Variants in RASGEF1B observed in about 807,000 individuals in gnomAD.
The protein encoded by RASGEF1B is ras-GEF domain-containing family member 1B.
RASGEF1B carries 30 observed loss-of-function variants against 65.7 expected under a neutral mutation model. The observed-to-expected ratio is 0.46, with a 90% CI of 0.34 to 0.62. The LOEUF (loss-of-function observed/expected upper bound fraction) is 0.62. Ranked by LOEUF, RASGEF1B falls within the 20% of genes least tolerant of loss-of-function variation. RASGEF1B has a pLI of 0.01. For synonymous variants in RASGEF1B, 175 were observed against 194.8 expected, an observed-to-expected ratio of 0.90 and a Z score of 0.85; for missense variants, 495 against 580.1, an observed-to-expected ratio of 0.85 and a Z score of 1.51.
rs141818351 is a variant in RASGEF1B at position 81,467,243 on chromosome 4, T to C, written c.-7+4527A>G. On this transcript the variant is annotated intron_variant, in intron 1 of 13. Coordinates refer to ENST00000264400, the MANE Select transcript of RASGEF1B (RefSeq NM_152545.3). Reference sequence around the variant, plus strand: ...TAATTTCCATTCTGCTTGATTTGTCTTAGATGCTGCTTAAATATTTCATAC... The same window carrying C: ...TAATTTCCATTCTGCTTGATTTGTCCTAGATGCTGCTTAAATATTTCATAC... Among the ~76,000 whole-genome samples the C allele has an allele frequency of 7.5e-3, 1,146 of 152,344 alleles. 7 individuals are homozygous for C. Among genetic ancestry groups the C allele is most frequent in the Non-Finnish European group, 0.013 (852 of 68,026 alleles).
In RASGEF1B at chr4:81,434,667, C is replaced by T. The variant is rs779908066; in HGVS notation, c.1172G>A (p.Arg391His). The change falls in exon 11 of 14, where the codon CGC becomes CAC. Residue 391 changes from arginine to histidine, a missense_variant. Transcript: ENST00000264400. The part of the protein sequence containing the change: ...IYFLNEGCAN[R>H]LPNGHVNFEK... ...AAAATTGACATGGCCATTGGGAAGGCGGTTGGCACAACCCTCATTGAGGAA... is the reference window on the plus strand; with the variant it reads ...AAAATTGACATGGCCATTGGGAAGGTGGTTGGCACAACCCTCATTGAGGAA... 2.4e-5 allele frequency: 39 copies of T among 1,604,578 alleles called. No individual in the cohort carries two copies. Among genetic ancestry groups the T allele is most frequent in the East Asian group, 1.8e-4 (8 of 44,848 alleles).
intron 4 of RASGEF1B, among the ~76,000 whole-genome samples, chr4:81,449,627 C>T (rs771038902): frequency 6.6e-6 from 1 of 152,172 alleles, no homozygotes; most frequent in Non-Finnish European, 1.5e-5. Context: ...AGTAAACCTA[C>T]AGATGTAGAA....
intron 8 of RASGEF1B, among the ~76,000 whole-genome samples, chr4:81,444,618 C>T (rs1224531324): frequency 1.3e-5 from 2 of 152,170 alleles, no homozygotes; most frequent in Non-Finnish European, 2.9e-5. Flanking sequence ...CTCGCTGCAA[C>T]CTCCGACTCC....
intron 9 of RASGEF1B, among the ~76,000 whole-genome samples, chr4:81,441,448 C>A (rs1216341494): frequency 6.6e-6 from 1 of 151,764 alleles, no homozygotes; most frequent in African/African-American, 2.4e-5. Context: ...AGAACACTTT[C>A]TTATTGTCTC....
At chr4:81,454,759 G>C (rs1278907547) in intron 4 of RASGEF1B, 1 of 152,166 alleles carries the variant, frequency 6.6e-6, no homozygotes, top group Non-Finnish European at 1.5e-5. Flanking sequence ...AATAATGGCT[G>C]TCTCGAGCAC....
chr4:81,466,758 CAAAAAA>C (rs748152922), intron 1 of RASGEF1B, among the ~76,000 whole-genome samples: 19 of 57,616 alleles, frequency 3.3e-4, no homozygotes, highest in African/African-American at 1.6e-3. Flanking sequence ...GCCTCCATGT[CAAAAAA>C]AAAAAAAAAG....
intron 13 of RASGEF1B, 117 bp from the exon 14 acceptor site, chr4:81,427,909 A>G (rs557003186): frequency 3.6e-6 from 4 of 1,097,600 alleles, no homozygotes; most frequent in East Asian, 5.3e-5. Context: ...TTGATTTTAC[A>G]AAGTTAAACC....
intron 1 of RASGEF1B, among the ~76,000 whole-genome samples, chr4:81,471,549 CT>C (rs1339391005): frequency 6.6e-6 from 1 of 152,174 alleles, no homozygotes; most frequent in African/African-American, 2.4e-5. Flanking sequence ...CGGTCCCGGG[CT>C]GTAACTCGGC....
At chr4:81,467,225 C>A (rs983846396) in intron 1 of RASGEF1B, among the ~76,000 whole-genome samples, 3 of 152,126 alleles carry the variant, frequency 2.0e-5, no homozygotes, top group African/African-American at 7.2e-5. Flanking sequence ...AGTTAATTTC[C>A]ATTCTGCTTG....
chr4:81,461,822 A>G (rs1306366347), intron 1 of RASGEF1B, among the ~76,000 whole-genome samples: 1 of 152,158 alleles, frequency 6.6e-6, no homozygotes, highest in Non-Finnish European at 1.5e-5. Context: ...CTGAGACCCA[A>G]GGGGGTAAGG....
At chr4:81,444,749 G>T (rs565703134) in intron 8 of RASGEF1B, among the ~76,000 whole-genome samples, 1 of 152,084 alleles carries the variant, frequency 6.6e-6, no homozygotes, top group East Asian at 1.9e-4. Flanking sequence ...GTTGGCCAGG[G>T]TGGTCTCGAT....
intron 1 of RASGEF1B, among the ~76,000 whole-genome samples, chr4:81,462,996 G>GTTTCAGA (rs1215416832): frequency 6.6e-6 from 1 of 152,148 alleles, no homozygotes; most frequent in Non-Finnish European, 1.5e-5. Flanking sequence ...GTGGGGTAGG[G>GTTTCAGA]TTTCAGAGTT....
chr4:81,448,189 G>A lies in RASGEF1B; in HGVS notation c.534C>T (p.Ser178=). The A allele has an allele frequency of 6.2e-7, 1 of 1,614,098 alleles. No individual in the cohort carries two copies. The highest frequency in any genetic ancestry group is 8.5e-7 in the Non-Finnish European group (1 of 1,180,030). The change falls in exon 5 of 14, where the codon AGC becomes AGT. Residue 178 remains serine (S), a synonymous_variant. Transcript: ENST00000264400. ...SQYEEVLAKI[S]STSTDRLTVL... Reference sequence around the variant, plus strand: ...CTGTGAGCCGATCTGTGGATGTGGAGCTGATTTTTGCCAGGACTTCTTCGT... The same window carrying A: ...CTGTGAGCCGATCTGTGGATGTGGAACTGATTTTTGCCAGGACTTCTTCGT...
chr4:81,434,554 T>C, intron 11 of RASGEF1B, 85 bp downstream of exon 11: 1 of 779,446 alleles, frequency 1.3e-6, no homozygotes, highest in Non-Finnish European at 2.3e-6. Flanking sequence ...GAATTGGCTT[T>C]GGCTGCCTGG....
At chr4:81,434,340 T>C (rs1721535918) in intron 11 of RASGEF1B, among the ~76,000 whole-genome samples, 1 of 152,232 alleles carries the variant, frequency 6.6e-6, no homozygotes, top group African/African-American at 2.4e-5. Context: ...CGTGAGCTAC[T>C]GCAGCTACTT....
chr4:81,467,792 T>C (rs1722892562), intron 1 of RASGEF1B, among the ~76,000 whole-genome samples: 2 of 152,226 alleles, frequency 1.3e-5, no homozygotes, highest in Non-Finnish European at 2.9e-5. Context: ...CCTTACATTG[T>C]AGGTGCTCAT....
At chr4:81,463,703 A>G (rs1722719527) in intron 1 of RASGEF1B, among the ~76,000 whole-genome samples, 1 of 152,212 alleles carries the variant, frequency 6.6e-6, no homozygotes, top group Non-Finnish European at 1.5e-5. Context: ...CAGAATTGTA[A>G]TACCTAAGAA....
intron 10 of RASGEF1B, among the ~76,000 whole-genome samples, chr4:81,438,494 T>C (rs768746630): frequency 6.6e-6 from 1 of 152,264 alleles, no homozygotes; most frequent in Non-Finnish European, 1.5e-5. Flanking sequence ...TAACTAGAAA[T>C]GCTTTCACTC....
intron 3 of RASGEF1B, 103 bp from the exon 4 acceptor site, chr4:81,456,891 CT>C: frequency 9.4e-7 from 1 of 1,060,688 alleles, no homozygotes; most frequent in Non-Finnish European, 1.4e-6. Context: ...AGTGCAAAGT[CT>C]TTAGGGATGA....
Sources: allele counts gnomAD v4.1 joint callset (sites outside exome capture counted in the v4.1 genomes callset), GRCh38; gene constraint gnomAD v4.1.1; transcripts MANE v1.5; gene names NCBI Gene and HGNC (gene_info 2026-07-23, HGNC 2026-07-21).